EPHA5: variants seen among roughly 807,000 people sequenced by gnomAD.
EPHA5 encodes the protein ephrin type-A receptor 5.
EPHA5 carries 60 observed loss-of-function variants against 105.0 expected under a neutral mutation model. That is an observed-to-expected ratio of 0.57 (90% CI 0.46 to 0.71). The LOEUF (loss-of-function observed/expected upper bound fraction) is 0.71. Ranked by LOEUF, EPHA5 falls within the 30% of genes least tolerant of loss-of-function variation. The probability of loss-of-function intolerance (pLI) is 0.00; values close to 1 mark genes in which losing one functional copy is unlikely to be tolerated. For synonymous variants in EPHA5, 513 were observed against 449.1 expected, an observed-to-expected ratio of 1.14 and a Z score of -1.80; for missense variants, 1,218 against 1,274.7, an observed-to-expected ratio of 0.96 and a Z score of 0.68.
At chr4:65,468,895 G>C (rs751215421) in intron 5 of EPHA5, among the ~76,000 whole-genome samples, 2 of 151,660 alleles carry the variant, frequency 1.3e-5, no homozygotes, top group Non-Finnish European at 2.9e-5. Flanking sequence ...TTTTGTCACA[G>C]TTACAAAGTT....
intron 5 of EPHA5, among the ~76,000 whole-genome samples, chr4:65,438,470 A>G (rs142528010): frequency 4.6e-5 from 7 of 152,044 alleles, no homozygotes; most frequent in Admixed American, 1.3e-4. Flanking sequence ...ATAAATTTTC[A>G]TATGTTTTCA....
intron 14 of EPHA5, among the ~76,000 whole-genome samples, chr4:65,338,451 C>T (rs900448405): frequency 6.6e-5 from 10 of 151,972 alleles, no homozygotes; most frequent in East Asian, 1.9e-4. Flanking sequence ...CCAATTAATT[C>T]GATTTTTTTC....
chr4:65,351,549 C>T lies in EPHA5; in HGVS notation c.2285G>A (p.Gly762Asp). 1 of 1,613,678 alleles carries T rather than the reference C, an allele frequency of 6.2e-7. No individual in the cohort carries two copies. The stretch of plus-strand genomic sequence containing the variant: ...AAGGTACTTCATTCCTGCAGAGATA[C>T]CTCTCAGCATGCCAACAAGCTGAAT... ...TVIQLVGMLR[G>D]ISAGMKYLSD... Residue 762 changes from glycine to aspartate, a missense_variant, in exon 13 of 17, where the codon GGT becomes GAT. By Grantham distance (94) the Gly-to-Asp change is moderately conservative (BLOSUM62 -1). Coordinates refer to ENST00000613740, the MANE Select transcript of EPHA5 (RefSeq NM_001281766.3).
intron 3 of EPHA5, among the ~76,000 whole-genome samples, chr4:65,557,778 G>A (rs1738601246): frequency 6.6e-6 from 1 of 152,036 alleles, no homozygotes; most frequent in South Asian, 2.1e-4. Context: ...AGCTGTAAAG[G>A]GCTAGTGTAA....
intron 3 of EPHA5, among the ~76,000 whole-genome samples, chr4:65,596,275 T>G (rs746043748): frequency 5.9e-5 from 9 of 152,122 alleles, no homozygotes; most frequent in Non-Finnish European, 1.2e-4. Flanking sequence ...CAGTGAATAT[T>G]AGGCAATATC....
Position 65,643,697 on chromosome 4 carries a change from A to T in EPHA5, c.182-270T>A, listed in dbSNP as rs144755769. ...TTTCTTGCAAAACAATAATAAATTTAAAAAAAAAGCTAATAAGGAAAAAAA... is the reference window on the plus strand; with the variant it reads ...TTTCTTGCAAAACAATAATAAATTTTAAAAAAAAGCTAATAAGGAAAAAAA... On this transcript the variant is annotated intron_variant, in intron 1 of 16. Transcript: ENST00000613740. 2.6e-3 allele frequency among the ~76,000 whole-genome samples: 397 copies of T among 151,192 alleles called. 3 individuals are homozygous for T. The highest frequency in any genetic ancestry group is 6.5e-3 in the African/African-American group (270 of 41,284).
intron 3 of EPHA5, among the ~76,000 whole-genome samples, chr4:65,538,285 A>G (rs532587401): frequency 2.0e-5 from 3 of 151,976 alleles, no homozygotes; most frequent in Non-Finnish European, 4.4e-5. Context: ...GAAAATTTAA[A>G]TATAAATCAG....
At chr4:65,378,790 CTTTT>C (rs1439063618) in intron 8 of EPHA5, among the ~76,000 whole-genome samples, 2 of 148,356 alleles carry the variant, frequency 1.3e-5, no homozygotes, top group East Asian at 4.0e-4. Context: ...TTCTTTCTTT[CTTTT>C]TTATTTTTTT....
chr4:65,622,777 T>C (rs991734373), intron 2 of EPHA5, among the ~76,000 whole-genome samples: 3 of 152,042 alleles, frequency 2.0e-5, no homozygotes, highest in African/African-American at 7.2e-5. Flanking sequence ...CTTGTTGGGC[T>C]TTACCTGTGG....
intron 3 of EPHA5, among the ~76,000 whole-genome samples, chr4:65,537,920 G>T (rs1269273331): frequency 6.6e-6 from 1 of 151,628 alleles, no homozygotes; most frequent in African/African-American, 2.4e-5. Context: ...TCGAAATCAA[G>T]AGTATCACTT....
rs569789213 is a variant in EPHA5, at chr4:65,544,961, C to T, written c.911-49418G>A. Among the ~76,000 whole-genome samples the T allele has an allele frequency of 3.3e-5, 5 of 150,158 alleles. No individual in the cohort carries two copies. In the East Asian group the frequency reaches 9.8e-4, roughly 29 times the overall value. The stretch of plus-strand genomic sequence containing the variant: ...AGCTGGAAAAAAAAAAAAGCCATTC[C>T]AATTTTTTTTTCTGCTAAATTTCAA... On this transcript the variant is annotated intron_variant, in intron 3 of 16. Coordinates refer to ENST00000613740, the MANE Select transcript of EPHA5 (RefSeq NM_001281766.3).
chr4:65,320,328 T>C lies in EPHA5; in HGVS notation c.*3786A>G. The C allele has an allele frequency of 4.5e-6, 1 of 220,476 alleles. No individual in the cohort carries two copies. The highest frequency in any genetic ancestry group is 2.7e-5 in the African/African-American group (1 of 36,908). 13.7% of individuals were successfully genotyped at this position (220,476 alleles called of 1,614,324 possible). On this transcript the variant is annotated 3_prime_UTR_variant, in exon 17 of 17. Coordinates refer to ENST00000613740, the MANE Select transcript of EPHA5 (RefSeq NM_001281766.3). The stretch of plus-strand genomic sequence containing the variant: ...GCATTTTGATTCCATTTATTCTTCA[T>C]CATCATCATCATCATCATCATCAGG...
At chr4:65,527,633 C>T (rs770150572) in intron 3 of EPHA5, among the ~76,000 whole-genome samples, 1 of 152,076 alleles carries the variant, frequency 6.6e-6, no homozygotes, top group African/African-American at 2.4e-5. Context: ...AGCATAATAA[C>T]TGCCGGCTAC....
chr4:65,428,810 A>G (rs989322616), intron 5 of EPHA5, among the ~76,000 whole-genome samples: 3 of 152,080 alleles, frequency 2.0e-5, no homozygotes, highest in Non-Finnish European at 4.4e-5. Flanking sequence ...ATACACTTTA[A>G]ATATTGTTTT....
In EPHA5 at chr4:65,561,299, A is replaced by G. The variant is rs141630620; in HGVS notation, c.910+40342T>C. Among the ~76,000 whole-genome samples the G allele has an allele frequency of 6.2e-4, 95 of 152,240 alleles. 1 individual carries two copies. Among genetic ancestry groups the G allele is most frequent in the African/African-American group, 2.3e-3 (94 of 41,576 alleles). On this transcript the variant is annotated intron_variant, in intron 3 of 16. Transcript: ENST00000613740. ...AAATGTCTATACTCATGACAGCAGC[A>G]TCACTAGAATGCCAATCACTTTATT...
intron 3 of EPHA5, among the ~76,000 whole-genome samples, chr4:65,498,635 T>C (rs1326292748): frequency 2.6e-5 from 4 of 151,906 alleles, no homozygotes; most frequent in African/African-American, 9.6e-5. Flanking sequence ...ATTTAATGGG[T>C]TAGATGACTT....
chr4:65,567,310 C>A lies in EPHA5; in HGVS notation c.910+34331G>T, dbSNP rs557290856. On this transcript the variant is annotated intron_variant, in intron 3 of 16. Transcript: ENST00000613740. ...GTCATTCAACAAGGTTTCATCAGAG[C>A]ACTTATATTCTAAGTTTTAATACTT... Among the ~76,000 whole-genome samples the A allele has an allele frequency of 3.2e-4, 49 of 151,676 alleles. No homozygotes were observed. The South Asian group carries it at 1.0e-2, about 31-fold the overall frequency.
chr4:65,630,081 T>TCA (rs35628731), intron 2 of EPHA5, among the ~76,000 whole-genome samples: 87 of 146,720 alleles, frequency 5.9e-4, no homozygotes, highest in African/African-American at 1.8e-3. Context: ...TCTCTCTCTC[T>TCA]CACACACACA....
chr4:65,576,464 T>C (rs1178243591), intron 3 of EPHA5, among the ~76,000 whole-genome samples: 2 of 152,228 alleles, frequency 1.3e-5, no homozygotes, highest in Non-Finnish European at 2.9e-5. Flanking sequence ...AAGAATGTTA[T>C]GTTCTGCAAA....
Sources: allele counts gnomAD v4.1 joint callset (sites outside exome capture counted in the v4.1 genomes callset), GRCh38; gene constraint gnomAD v4.1.1; transcripts MANE v1.5; gene names NCBI Gene and HGNC (gene_info 2026-07-23, HGNC 2026-07-21).